WWOX: variants seen among roughly 807,000 people sequenced by gnomAD.
WWOX encodes WW domain containing oxidoreductase, also known as WW domain-containing oxidoreductase.
A neutral mutation model predicts 46.2 loss-of-function variants in WWOX; 69 were observed. That is an observed-to-expected ratio of 1.49 (90% confidence interval 1.23 to 1.82). WWOX has a LOEUF of 1.82. Ranked by LOEUF, WWOX falls within the 40% of genes most tolerant of loss-of-function variation. WWOX has a pLI of 0.00. For missense variants in WWOX, 919 were observed against 542.6 expected (o/e 1.69, Z -6.89); for synonymous variants, 359 against 202.6 (o/e 1.77, Z -6.56).
intron 8 of WWOX, among the ~76,000 whole-genome samples, chr16:78,584,623 C>T (rs1393621155): frequency 1.3e-5 from 2 of 152,104 alleles, no homozygotes; most frequent in Non-Finnish European, 2.9e-5. Context: ...CAGACTGTTA[C>T]CAGAGGACAT....
rs74032406 is a variant in WWOX, at chr16:78,865,444, C to G, written c.1057-346164C>G. Among the ~76,000 whole-genome samples, 1,290 of 152,288 alleles carry G rather than the reference C, an allele frequency of 8.5e-3. 21 individuals are homozygous for G. Among genetic ancestry groups the G allele is most frequent in the African/African-American group, 0.029 (1,222 of 41,556 alleles). ...ACTTTGATTCACATCATGGCTCCTTCTCTTCCTTGCTGAGGCTTTTGACAA... is the reference window on the plus strand; with the variant it reads ...ACTTTGATTCACATCATGGCTCCTTGTCTTCCTTGCTGAGGCTTTTGACAA... On this transcript the variant is annotated intron_variant, in intron 8 of 8. Transcript: ENST00000566780.
chr16:79,061,497 A>C (rs2048356802), intron 8 of WWOX, among the ~76,000 whole-genome samples: 1 of 152,318 alleles, frequency 6.6e-6, no homozygotes, highest in African/African-American at 2.4e-5. Context: ...TGCAAATTTT[A>C]CCTGCGGGGA....
intron 8 of WWOX, among the ~76,000 whole-genome samples, chr16:78,818,484 A>C (rs911907755): frequency 6.6e-6 from 1 of 152,230 alleles, no homozygotes; most frequent in African/African-American, 2.4e-5. Flanking sequence ...TAATCCCAGC[A>C]CTTCGGGAGG....
chr16:78,823,531 T>A (rs1422163727), intron 8 of WWOX, among the ~76,000 whole-genome samples: 1 of 152,184 alleles, frequency 6.6e-6, no homozygotes, highest in African/African-American at 2.4e-5. Flanking sequence ...TGTAATCGCA[T>A]ATAGCATTCT....
At chr16:78,587,934 A>G (rs374999965) in intron 8 of WWOX, among the ~76,000 whole-genome samples, 4 of 152,186 alleles carry the variant, frequency 2.6e-5, no homozygotes, top group African/African-American at 7.2e-5. Flanking sequence ...GGGCCTCCCC[A>G]TTGGAAATGA....
At chr16:78,674,040 G>A in intron 8 of WWOX, among the ~76,000 whole-genome samples, 1 of 151,902 alleles carries the variant, frequency 6.6e-6, no homozygotes, top group East Asian at 1.9e-4. Context: ...AAGACTTTTT[G>A]GATTCTCGAT....
chr16:78,961,629 T>C (rs2046272808), intron 8 of WWOX, among the ~76,000 whole-genome samples: 1 of 152,054 alleles, frequency 6.6e-6, no homozygotes, highest in Non-Finnish European at 1.5e-5. Flanking sequence ...AGGGACTCTT[T>C]ACAAAGAGTC....
At chr16:78,882,678 G>A (rs574818837) in intron 8 of WWOX, among the ~76,000 whole-genome samples, 1 of 151,912 alleles carries the variant, frequency 6.6e-6, no homozygotes, top group South Asian at 2.1e-4. Flanking sequence ...AGTAGAGACA[G>A]GGGTTTCACC....
chr16:78,445,298 G>A (rs1567577780), intron 8 of WWOX, among the ~76,000 whole-genome samples: 1 of 152,148 alleles, frequency 6.6e-6, no homozygotes, highest in Non-Finnish European at 1.5e-5. Context: ...CTAGAAGAAG[G>A]GCGCTCACCT....
intron 8 of WWOX, among the ~76,000 whole-genome samples, chr16:79,184,390 G>A (rs1410007583): frequency 6.6e-6 from 1 of 152,212 alleles, no homozygotes; most frequent in South Asian, 2.1e-4. Context: ...GTCCATGGGG[G>A]CAGAGACCTG....
chr16:78,634,215 T>C (rs939920136), intron 8 of WWOX, among the ~76,000 whole-genome samples: 4 of 152,232 alleles, frequency 2.6e-5, no homozygotes, highest in African/African-American at 9.6e-5. Context: ...AGAATAGGAA[T>C]GCCATAGTGG....
chr16:78,328,681 G>C (rs1488264399), intron 5 of WWOX, among the ~76,000 whole-genome samples: 1 of 152,160 alleles, frequency 6.6e-6, no homozygotes, highest in Non-Finnish European at 1.5e-5. Flanking sequence ...TCTTGATAAT[G>C]CTGATGTGAC....
intron 5 of WWOX, among the ~76,000 whole-genome samples, chr16:78,234,848 C>A (rs2081476893): frequency 6.6e-6 from 1 of 151,190 alleles, no homozygotes; most frequent in Admixed American, 6.6e-5. Flanking sequence ...ATTTAAAAAT[C>A]AAATTTAACT....
chr16:78,959,789 T>A (rs915947077), intron 8 of WWOX, among the ~76,000 whole-genome samples: 1 of 152,144 alleles, frequency 6.6e-6, no homozygotes, highest in South Asian at 2.1e-4. Context: ...GGGAAAGATG[T>A]CCTCTGTCGG....
At chr16:78,945,784 T>C (rs1302807265) in intron 8 of WWOX, among the ~76,000 whole-genome samples, 2 of 152,162 alleles carry the variant, frequency 1.3e-5, no homozygotes, top group Admixed American at 6.5e-5. Context: ...GTATGTGTAT[T>C]ATGTTCTTGG....
chr16:78,113,762 G>T (rs1162271730), intron 3 of WWOX, among the ~76,000 whole-genome samples: 1 of 152,194 alleles, frequency 6.6e-6, no homozygotes, highest in Non-Finnish European at 1.5e-5. Context: ...GTTTGAGCCA[G>T]TCTAGCATAG....
intron 5 of WWOX, among the ~76,000 whole-genome samples, chr16:78,206,952 A>G (rs2036415152): frequency 6.6e-6 from 1 of 152,228 alleles, no homozygotes; most frequent in African/African-American, 2.4e-5. Flanking sequence ...ATGTGAATTA[A>G]AAAGTTTAAT....
At chr16:78,202,079 C>T (rs956044172) in intron 5 of WWOX, among the ~76,000 whole-genome samples, 2 of 152,050 alleles carry the variant, frequency 1.3e-5, no homozygotes. Context: ...CTTTTACTAG[C>T]TTCTTCCATC....
At chr16:78,448,642 G>A (rs1472291427) in intron 8 of WWOX, among the ~76,000 whole-genome samples, 1 of 152,196 alleles carries the variant, frequency 6.6e-6, no homozygotes, top group Non-Finnish European at 1.5e-5. Context: ...TCACAAATCA[G>A]CTTCTCCACT....
Sources: allele counts gnomAD v4.1 joint callset (sites outside exome capture counted in the v4.1 genomes callset), GRCh38; gene constraint gnomAD v4.1.1; transcripts MANE v1.5; gene names NCBI Gene and HGNC (gene_info 2026-07-23, HGNC 2026-07-21).